TMEM131: variants seen among roughly 807,000 people sequenced by gnomAD.
TMEM131 encodes the protein transmembrane protein 131.
A neutral mutation model predicts 211.6 loss-of-function variants in TMEM131; 66 were observed. That is an observed-to-expected ratio of 0.31 (90% CI 0.26 to 0.38). The LOEUF is 0.38. Ranked by LOEUF, TMEM131 falls within the 10% of genes least tolerant of loss-of-function variation. TMEM131 has a pLI of 1.00. For synonymous variants in TMEM131, 844 were observed against 841.3 expected, an observed-to-expected ratio of 1.00 and a Z score of -0.06; for missense variants, 2,036 against 2,299.3, an observed-to-expected ratio of 0.89 and a Z score of 2.34.
intron 1 of TMEM131, among the ~76,000 whole-genome samples, chr2:97,933,461 A>G (rs1677315152): frequency 6.6e-6 from 1 of 152,168 alleles, no homozygotes; most frequent in Admixed American, 6.5e-5. Flanking sequence ...GTTACTGGGC[A>G]ACAGGGTAGG....
intron 11 of TMEM131, 97 bp from the exon 12 acceptor site, chr2:97,818,818 G>A (rs1681973435): frequency 4.0e-6 from 3 of 752,384 alleles, no homozygotes; most frequent in Non-Finnish European, 4.2e-6. Context: ...AAAGTAAAGT[G>A]GACTCTAAAT....
chr2:97,873,175 C>T (rs1047203213), intron 4 of TMEM131, among the ~76,000 whole-genome samples: 3 of 152,244 alleles, frequency 2.0e-5, no homozygotes, highest in Non-Finnish European at 2.9e-5. Context: ...CAGCTCAGCA[C>T]GGCCGCTGTG....
At chr2:97,855,699 CA>C (rs36041076) in intron 5 of TMEM131, among the ~76,000 whole-genome samples, 49,847 of 120,984 alleles carry the variant, frequency 0.41, 8,893 homozygotes, top group Middle Eastern at 0.56. Context: ...GACCCTGTCT[CA>C]AAAAAAAAAA....
intron 4 of TMEM131, among the ~76,000 whole-genome samples, chr2:97,876,337 TCCTC>T (rs1674692589): frequency 6.6e-6 from 1 of 152,050 alleles, no homozygotes; most frequent in Non-Finnish European, 1.5e-5. Context: ...AAAGAGGGAA[TCCTC>T]CCTAACTCAT....
intron 3 of TMEM131, among the ~76,000 whole-genome samples, chr2:97,898,134 A>AT (rs990003191): frequency 5.3e-5 from 8 of 150,862 alleles, no homozygotes; most frequent in African/African-American, 1.9e-4. Context: ...GTTTACATTG[A>AT]TTTTTTTTCA....
chr2:97,963,331 AT>A (rs1678904776), intron 1 of TMEM131, among the ~76,000 whole-genome samples: 1 of 152,174 alleles, frequency 6.6e-6, no homozygotes, highest in Non-Finnish European at 1.5e-5. Flanking sequence ...AATTTCTTGT[AT>A]GTTAAAAGTG....
At chr2:97,950,878 G>A (rs778818225) in intron 1 of TMEM131, among the ~76,000 whole-genome samples, 2 of 152,162 alleles carry the variant, frequency 1.3e-5, no homozygotes, top group South Asian at 4.1e-4. Context: ...GGAGGAAAAC[G>A]AGCTTAGTTT....
chr2:97,923,101 CAACATGGTGA>C (rs923438962), intron 2 of TMEM131, among the ~76,000 whole-genome samples: 2 of 151,946 alleles, frequency 1.3e-5, no homozygotes, highest in African/African-American at 4.8e-5. Flanking sequence ...CCAACCTGGC[CAACATGGTGA>C]AACTCTGTCT....
chr2:97,809,984 T>C (rs1681480119), intron 18 of TMEM131, among the ~76,000 whole-genome samples: 1 of 152,206 alleles, frequency 6.6e-6, no homozygotes, highest in South Asian at 2.1e-4. Flanking sequence ...TTTCCACAGA[T>C]TTCTCAGTGA....
chr2:97,780,076 A>G (rs1351926555), intron 31 of TMEM131, among the ~76,000 whole-genome samples: 1 of 152,126 alleles, frequency 6.6e-6, no homozygotes, highest in Non-Finnish European at 1.5e-5. Context: ...AACAAAAACA[A>G]AAACAAAAGA....
intron 1 of TMEM131, among the ~76,000 whole-genome samples, chr2:97,932,908 T>G (rs912343211): frequency 6.6e-6 from 1 of 152,232 alleles, no homozygotes; most frequent in African/African-American, 2.4e-5. Context: ...TGGTCAACGA[T>G]GGACTGCATA....
rs1199431215 is a variant in TMEM131, at chr2:97,805,545, T to G, written c.2208+6A>C. On this transcript the variant is annotated splice_donor_region_variant and intron_variant, in intron 20 of 40. Coordinates refer to ENST00000186436, the MANE Select transcript of TMEM131 (RefSeq NM_015348.2). ...ATGGGAATTCTCAAATATAATATCT[T>G]CAAACCTTTGATTTTTTTCCTGGCT... 1 of 1,608,462 alleles carries G rather than the reference T, an allele frequency of 6.2e-7. No homozygotes were observed. Among genetic ancestry groups the G allele is most frequent in the Non-Finnish European group, 8.5e-7 (1 of 1,176,082 alleles).
intron 1 of TMEM131, among the ~76,000 whole-genome samples, chr2:97,930,619 C>T (rs1677179633): frequency 6.6e-6 from 1 of 151,698 alleles, no homozygotes; most frequent in Non-Finnish European, 1.5e-5. Context: ...TTGCTTTAAA[C>T]AGCCAATTAT....
At position 97,775,888 on chromosome 2, in the gene TMEM131, G is replaced by A; in HGVS notation, c.4275C>T (p.Thr1425=). The A allele has an allele frequency of 6.2e-7, 1 of 1,613,936 alleles. No homozygotes were observed. Among genetic ancestry groups the A allele is most frequent in the Non-Finnish European group, 8.5e-7 (1 of 1,179,880 alleles). Residue 1425 remains threonine, a synonymous_variant, in exon 32 of 41, where the codon ACC becomes ACT. Coordinates refer to ENST00000186436, the MANE Select transcript of TMEM131 (RefSeq NM_015348.2). ...TGTCAGGGTTGGAGGTCTCTGTGGT[G>A]GTGGAGGAGCTATCATCATCAGCCA... The part of the protein sequence containing the change: ...DSLADDDSSS[T]TTETSNPDTE...
intron 31 of TMEM131, among the ~76,000 whole-genome samples, chr2:97,778,422 G>A (rs1027925088): frequency 2.6e-5 from 4 of 152,050 alleles, no homozygotes; most frequent in African/African-American, 9.7e-5. Flanking sequence ...ATGGTGGCAT[G>A]TGCCTGTAAT....
intron 1 of TMEM131, among the ~76,000 whole-genome samples, chr2:97,941,082 G>A (rs976917391): frequency 2.6e-5 from 4 of 152,068 alleles, no homozygotes; most frequent in African/African-American, 9.7e-5. Context: ...TATACTACAA[G>A]GCTACAGTAA....
At chr2:97,928,663 C>T (rs774133673) in intron 1 of TMEM131, among the ~76,000 whole-genome samples, 9 of 151,730 alleles carry the variant, frequency 5.9e-5, no homozygotes, top group Non-Finnish European at 8.8e-5. Flanking sequence ...ACCATACACA[C>T]GCAATGTATT....
At chr2:97,809,483 G>A (rs756461318) in intron 19 of TMEM131, among the ~76,000 whole-genome samples, 4 of 152,200 alleles carry the variant, frequency 2.6e-5, no homozygotes, top group Admixed American at 6.5e-5. Context: ...GCTCTGAATT[G>A]TGGGTCCATT....
At chr2:97,793,247 T>A in intron 30 of TMEM131, 148 bp downstream of exon 30, 1 of 816,326 alleles carries the variant, frequency 1.2e-6, no homozygotes, top group Non-Finnish European at 1.9e-6. Flanking sequence ...TCTAAGTCAC[T>A]CAGAGTTCCA....
Sources: gnomAD v4.1 joint callset for allele counts (sites outside exome capture counted in the v4.1 genomes callset) on GRCh38, gnomAD v4.1.1 for gene constraint, MANE v1.5 for transcripts, NCBI Gene and HGNC (gene_info 2026-07-23, HGNC 2026-07-21) for gene names.